The following CCDC125 variants were observed in gnomAD, a reference collection of about 807,000 sequenced individuals.
CCDC125 encodes the protein coiled-coil domain containing 125, also known as coiled-coil domain-containing protein 125.
In CCDC125, 43 loss-of-function variants were observed where a neutral mutation model predicts 57.4. The ratio of observed to expected loss-of-function variants is 0.75; its 90% CI spans 0.59 to 0.97. The LOEUF (loss-of-function observed/expected upper bound fraction) is 0.97, where lower values mean the gene tolerates loss of function less well. CCDC125 is among the 50% of genes least tolerant of loss of function. CCDC125 has a pLI of 0.00. For synonymous variants in CCDC125, 187 were observed against 195.2 expected (o/e 0.96, Z 0.35); for missense variants, 563 against 595.7 (o/e 0.95, Z 0.57).
chr5:69,314,998 G>A (rs1361054282), intron 2 of CCDC125, among the ~76,000 whole-genome samples: 1 of 152,156 alleles, frequency 6.6e-6, no homozygotes, highest in Non-Finnish European at 1.5e-5. Flanking sequence ...GCTCACACCT[G>A]TAATCCCAGC....
At chr5:69,308,112 G>A (rs969883762) in intron 4 of CCDC125, 84 bp from the exon 5 acceptor site, 2 of 963,470 alleles carry the variant, frequency 2.1e-6, no homozygotes, top group Non-Finnish European at 3.3e-6. Context: ...TTATTTTAAG[G>A]CAATGGAAAA....
intron 11 of CCDC125, among the ~76,000 whole-genome samples, 186 bp from the exon 12 acceptor site, chr5:69,283,220 CT>C (rs1219833408): frequency 2.9e-3 from 396 of 136,570 alleles, no homozygotes; most frequent in Middle Eastern, 7.6e-3. Context: ...ATTCATGAAT[CT>C]TTTTTTTTTT....
intron 2 of CCDC125, 78 bp from the exon 3 acceptor site, chr5:69,314,124 TACA>T: frequency 2.0e-6 from 2 of 1,013,756 alleles, no homozygotes; most frequent in Non-Finnish European, 3.1e-6. Flanking sequence ...GACATTTGTT[TACA>T]AATTACCAAA....
intron 10 of CCDC125, among the ~76,000 whole-genome samples, chr5:69,289,682 T>A (rs1754075323): frequency 6.6e-6 from 1 of 151,910 alleles, no homozygotes; most frequent in South Asian, 2.1e-4. Flanking sequence ...GGTAACACAG[T>A]GAGACCTCAT....
At chr5:69,307,019 A>G in intron 5 of CCDC125, 117 bp from the exon 6 acceptor site, 2 of 1,167,022 alleles carry the variant, frequency 1.7e-6, no homozygotes, top group Non-Finnish European at 2.2e-6. Flanking sequence ...TAAAGAGAAA[A>G]AATTAATTAT....
chr5:69,323,589 A>G (rs1360411485), intron 1 of CCDC125, among the ~76,000 whole-genome samples: 3 of 152,056 alleles, frequency 2.0e-5, no homozygotes, highest in African/African-American at 7.2e-5. Flanking sequence ...CGGAGCTCCT[A>G]TCCCACCTCA....
intron 2 of CCDC125, among the ~76,000 whole-genome samples, chr5:69,314,544 T>G (rs1758696565): frequency 1.3e-5 from 2 of 152,072 alleles, no homozygotes; most frequent in Middle Eastern, 3.2e-3. Context: ...ACATATACTG[T>G]ACTTTTGAAT....
At chr5:69,329,499 CTTTTTTTTTTT>C (rs535306741) in intron 1 of CCDC125, among the ~76,000 whole-genome samples, 1 of 95,320 alleles carries the variant, frequency 1.0e-5, no homozygotes, top group African/African-American at 3.9e-5. Context: ...GGATTCAAGT[CTTTTTTTTTTT>C]TTTTTTTTTT....
chr5:69,319,975 G>T, intron 2 of CCDC125, among the ~76,000 whole-genome samples: 1 of 152,012 alleles, frequency 6.6e-6, no homozygotes, highest in East Asian at 2.0e-4. Flanking sequence ...ACAAAAATTA[G>T]CCAGGTGTAG....
intron 9 of CCDC125, among the ~76,000 whole-genome samples, chr5:69,292,966 G>A (rs539201761): frequency 6.0e-5 from 9 of 150,586 alleles, no homozygotes; most frequent in East Asian, 4.0e-4. Context: ...TCTGCCTCTC[G>A]AGTAGCTGGG....
At chr5:69,283,099 G>T in intron 11 of CCDC125, 65 bp from the exon 12 acceptor site, 1 of 1,285,110 alleles carries the variant, frequency 7.8e-7, no homozygotes, top group Non-Finnish European at 1.1e-6. Flanking sequence ...TTCAGAGAAA[G>T]GAGTATTGTA....
intron 7 of CCDC125, among the ~76,000 whole-genome samples, chr5:69,303,070 A>G (rs34862981): frequency 0.37 from 56,215 of 152,028 alleles, 11,975 homozygotes; most frequent in South Asian, 0.46. Flanking sequence ...CCCAAGCTGC[A>G]GTGCAGTGGC....
At chr5:69,330,193 C>T (rs930803687) in intron 1 of CCDC125, among the ~76,000 whole-genome samples, 1 of 152,182 alleles carries the variant, frequency 6.6e-6, no homozygotes, top group Non-Finnish European at 1.5e-5. Flanking sequence ...TCCTCTAAGG[C>T]TCTTTTTCTT....
chr5:69,313,459 T>C, intron 3 of CCDC125: 1 of 1,266,332 alleles, frequency 7.9e-7, no homozygotes, highest in Non-Finnish European at 1.2e-6. Flanking sequence ...CTCATAGTAG[T>C]TTGCTTGTAA....
At chr5:69,315,081 C>A (rs926329229) in intron 2 of CCDC125, among the ~76,000 whole-genome samples, 1 of 151,672 alleles carries the variant, frequency 6.6e-6, no homozygotes, top group African/African-American at 2.4e-5. Flanking sequence ...CATGGTGAAA[C>A]CCCATCTCTA....
chr5:69,320,668 G>A lies in CCDC125; in HGVS notation c.-40-88C>T. 3 of 637,858 alleles carry A rather than the reference G, an allele frequency of 4.7e-6. 1 individual carries two copies. The South Asian group carries it at 5.7e-5, about 12-fold the overall frequency. 39.5% of individuals were successfully genotyped at this position (637,858 alleles called of 1,614,324 possible). A position where few individuals can be genotyped will look rare whatever the true frequency, so the allele number is the denominator to read the frequency against. ...TATTTACCCAAAACATTTGAAATCA[G>A]TATGTCAAAGAGATGTCTACATTCC... On this transcript the variant is annotated intron_variant, in intron 1 of 11. Transcript: ENST00000396496.
chr5:69,296,349 C>A (rs991276581), intron 8 of CCDC125, among the ~76,000 whole-genome samples: 1 of 151,838 alleles, frequency 6.6e-6, no homozygotes, highest in Non-Finnish European at 1.5e-5. Flanking sequence ...GTCAGGAGTT[C>A]GAAACCAGCC....
At chr5:69,313,512 G>A (rs772658167) in intron 3 of CCDC125, 21 of 872,220 alleles carry the variant, frequency 2.4e-5, no homozygotes, top group Non-Finnish European at 3.9e-5. Context: ...TGGCGTCCTT[G>A]GAGCTGGCAT....
At chr5:69,286,235 A>AAT (rs1753414438) in intron 10 of CCDC125, among the ~76,000 whole-genome samples, 8 of 38,310 alleles carry the variant, frequency 2.1e-4, no homozygotes, top group African/African-American at 3.1e-4. Flanking sequence ...TATATATATA[A>AAT]TTTTTTTTTT....
Sources: allele counts gnomAD v4.1 joint callset (sites outside exome capture counted in the v4.1 genomes callset), GRCh38; gene constraint gnomAD v4.1.1; transcripts MANE v1.5; gene names NCBI Gene and HGNC (gene_info 2026-07-23, HGNC 2026-07-21).